Variants in BRD10 observed in about 807,000 individuals in gnomAD.
BRD10 encodes bromodomain containing 10, also known as uncharacterized bromodomain-containing protein 10.
chr9:5,886,076 C>T, the BRD10 span, among the ~76,000 whole-genome samples: 3 of 152,312 alleles, frequency 2.0e-5, no homozygotes, highest in Non-Finnish European at 2.9e-5. Context: ...CCCGAGCAGC[C>T]GGCTATCAAC....
the BRD10 span, chr9:5,968,674 T>C: frequency 6.2e-7 from 1 of 1,613,838 alleles, no homozygotes; most frequent in East Asian, 2.2e-5. Context: ...CTCCATTACT[T>C]GTACTAACAT....
At chr9:5,987,673 A>G in the BRD10 span, among the ~76,000 whole-genome samples, 3 of 152,232 alleles carry the variant, frequency 2.0e-5, no homozygotes, top group African/African-American at 7.2e-5. Context: ...TCTGACCAGC[A>G]TTAACAAGTC....
the BRD10 span, chr9:5,922,165 T>C: frequency 6.2e-7 from 1 of 1,613,990 alleles, no homozygotes; most frequent in Non-Finnish European, 8.5e-7. Flanking sequence ...GAATTGACTG[T>C]GAATCTCTTA....
the BRD10 span, among the ~76,000 whole-genome samples, chr9:5,991,089 T>G: frequency 6.6e-6 from 1 of 152,186 alleles, no homozygotes; most frequent in Non-Finnish European, 1.5e-5. Context: ...CATATTACAC[T>G]GCTAAATGTA....
At chr9:5,918,319 T>C in the BRD10 span, among the ~76,000 whole-genome samples, 1 of 152,222 alleles carries the variant, frequency 6.6e-6, no homozygotes, top group Non-Finnish European at 1.5e-5. Flanking sequence ...CTTCATGTGA[T>C]GAAGTTTAAC....
chr9:5,909,666 G>A, the BRD10 span: 1 of 152,200 alleles, frequency 6.6e-6, no homozygotes, highest in South Asian at 2.1e-4. Context: ...CCAGAAATTG[G>A]TAGAAGGATT....
At chr9:5,916,451 GAGC>G in the BRD10 span, among the ~76,000 whole-genome samples, 8 of 151,764 alleles carry the variant, frequency 5.3e-5, no homozygotes, top group South Asian at 2.1e-4. Flanking sequence ...CTTGGGACTT[GAGC>G]AGGACTTCAG....
the BRD10 span, among the ~76,000 whole-genome samples, chr9:5,883,099 G>T: frequency 2.6e-5 from 4 of 151,988 alleles, no homozygotes; most frequent in Non-Finnish European, 5.9e-5. Context: ...CATGGCACAT[G>T]TATACATATG....
At chr9:5,926,731 T>C in the BRD10 span, among the ~76,000 whole-genome samples, 1 of 151,746 alleles carries the variant, frequency 6.6e-6, no homozygotes. Context: ...CGGGGTTTCA[T>C]CATGTTAGCC....
chr9:5,895,678 A>C, the BRD10 span, among the ~76,000 whole-genome samples: 1 of 152,218 alleles, frequency 6.6e-6, no homozygotes, highest in Non-Finnish European at 1.5e-5. Flanking sequence ...AGGTGCTGCC[A>C]CCTAAGAGGC....
At chr9:5,974,147 AG>A in the BRD10 span, among the ~76,000 whole-genome samples, 1 of 152,286 alleles carries the variant, frequency 6.6e-6, no homozygotes, top group Admixed American at 6.5e-5. Context: ...TGCAGAAAAA[AG>A]GACAGATTAC....
At chr9:5,921,549 AAAG>A in the BRD10 span, 6 of 1,613,760 alleles carry the variant, frequency 3.7e-6, no homozygotes, top group Non-Finnish European at 5.1e-6. Flanking sequence ...TTGCCAGAAG[AAAG>A]AATAGATGGA....
At chr9:5,989,275 T>C in the BRD10 span, among the ~76,000 whole-genome samples, 1 of 126,860 alleles carries the variant, frequency 7.9e-6, no homozygotes, top group African/African-American at 3.0e-5. Context: ...CAAAAATTAG[T>C]CAGGCATGGT....
At chr9:5,968,198 G>A in the BRD10 span, 1 of 1,611,962 alleles carries the variant, frequency 6.2e-7, no homozygotes, top group Non-Finnish European at 8.5e-7. Context: ...CCTCATTTTA[G>A]TTAGTTTGAG....
At chr9:5,990,482 G>T in the BRD10 span, among the ~76,000 whole-genome samples, 4,364 of 152,188 alleles carry the variant, frequency 0.029, 89 homozygotes, top group South Asian at 0.049. Context: ...TGGCTAAATT[G>T]TTACATAAGG....
chr9:5,883,462 C>CTTTTTTTTT, the BRD10 span, among the ~76,000 whole-genome samples: 104 of 102,334 alleles, frequency 1.0e-3, no homozygotes, highest in Non-Finnish European at 1.3e-3. Flanking sequence ...CCTTCTTCTT[C>CTTTTTTTTT]TTTTTTTTTT....
the BRD10 span, among the ~76,000 whole-genome samples, chr9:6,004,750 T>C: frequency 6.6e-6 from 1 of 152,238 alleles, no homozygotes; most frequent in African/African-American, 2.4e-5. Context: ...ATGAACACTC[T>C]ATAGAATATT....
the BRD10 span, among the ~76,000 whole-genome samples, chr9:5,927,398 C>A: frequency 6.6e-6 from 1 of 152,278 alleles, no homozygotes; most frequent in African/African-American, 2.4e-5. Flanking sequence ...TCCATCAGTA[C>A]ACAAACATGT....
At chr9:5,922,122 C>A in the BRD10 span, 1 of 1,613,964 alleles carries the variant, frequency 6.2e-7, no homozygotes, top group Non-Finnish European at 8.5e-7. Context: ...TGTACTTTTA[C>A]AACTCCAGTG....
Sources: gnomAD v4.1 joint callset for allele counts (sites outside exome capture counted in the v4.1 genomes callset) on GRCh38, gnomAD v4.1.1 for gene constraint, MANE v1.5 for transcripts, NCBI Gene and HGNC (gene_info 2026-07-23, HGNC 2026-07-21) for gene names.